The following NFX1 variants were observed in gnomAD, a reference collection of about 807,000 sequenced individuals.
NFX1 encodes the protein transcriptional repressor NF-X1.
NFX1 carries 69 observed loss-of-function variants against 137.2 expected under a neutral mutation model. The ratio of observed to expected loss-of-function variants is 0.50; its 90% CI spans 0.41 to 0.61. NFX1 has a LOEUF of 0.61. Among genes scored for constraint, NFX1 ranks in the 20% least tolerant of loss-of-function variants. NFX1 has a pLI of 0.00. For missense variants in NFX1, 1,167 were observed against 1,391.0 expected (o/e 0.84, Z 2.56); for synonymous variants, 495 against 474.1 (o/e 1.04, Z -0.57).
At chr9:33,300,154 G>C (rs1412164169) in intron 2 of NFX1, among the ~76,000 whole-genome samples, 1 of 136,600 alleles carries the variant, frequency 7.3e-6, no homozygotes, top group Non-Finnish European at 1.5e-5. Flanking sequence ...CTCCGCCCCC[G>C]GGTTCAAGAG....
At chr9:33,341,212 A>G (rs1023998972) in intron 12 of NFX1, among the ~76,000 whole-genome samples, 1 of 152,218 alleles carries the variant, frequency 6.6e-6, no homozygotes, top group Non-Finnish European at 1.5e-5. Context: ...AGGCCTCACA[A>G]TCATGGTGGG....
At chr9:33,349,038 C>T (rs562796939) in intron 15 of NFX1, among the ~76,000 whole-genome samples, 1 of 152,286 alleles carries the variant, frequency 6.6e-6, no homozygotes, top group South Asian at 2.1e-4. Context: ...GTTCTCAAGT[C>T]CTTGGTATTT....
At chr9:33,348,769 T>C (rs1564140330) in intron 15 of NFX1, 13 of 985,168 alleles carry the variant, frequency 1.3e-5, no homozygotes, top group Non-Finnish European at 1.6e-5. Context: ...ATTCTGCTAC[T>C]GAGAAAGAAA....
At chr9:33,344,240 G>A in intron 14 of NFX1, 52 bp downstream of exon 14, 2 of 1,609,474 alleles carry the variant, frequency 1.2e-6, no homozygotes, top group Middle Eastern at 1.7e-4. Context: ...ATGTCATTTA[G>A]GATCCTGCTG....
At chr9:33,305,575 G>A (rs55695110) in intron 4 of NFX1, among the ~76,000 whole-genome samples, 7,082 of 152,264 alleles carry the variant, frequency 0.047, 512 homozygotes, top group African/African-American at 0.16. Flanking sequence ...TTTGGTAGCA[G>A]TGAGTAGAGT....
At chr9:33,316,306 C>G (rs1274377393) in intron 7 of NFX1, among the ~76,000 whole-genome samples, 1 of 150,830 alleles carries the variant, frequency 6.6e-6, no homozygotes, top group Non-Finnish European at 1.5e-5. Context: ...TGGTACTTAC[C>G]AAGCCTTTTT....
At chr9:33,346,434 AGAG>A (rs887120320) in intron 14 of NFX1, among the ~76,000 whole-genome samples, 4 of 152,208 alleles carry the variant, frequency 2.6e-5, no homozygotes, top group Admixed American at 6.5e-5. Flanking sequence ...ACATTCTCCG[AGAG>A]GAGGAGGACA....
chr9:33,328,432 A>G, intron 9 of NFX1, 149 bp from the exon 10 acceptor site: 1 of 597,666 alleles, frequency 1.7e-6, no homozygotes, highest in Non-Finnish European at 3.0e-6. Flanking sequence ...AAGGGAAGAT[A>G]GGGAAGAAGC....
chr9:33,338,585 G>A lies in NFX1; in HGVS notation c.2111G>A (p.Cys704Tyr). Residue 704 changes from cysteine (C) to tyrosine (Y), a missense_variant, in exon 12 of 24, where the codon TGT becomes TAT. Transcript: ENST00000379540. The part of the protein sequence containing the change: ...CGRHKCNEIC[C>Y]VDKEHKCPLI... ...CGGCATAAATGTAATGAGATATGCT[G>A]TGTGGTAAGTGGACTTATTAGGCAT... is the stretch of plus-strand genomic sequence containing the variant. 3 of 1,589,710 alleles carry A rather than the reference G, an allele frequency of 1.9e-6. No homozygotes were observed. Among genetic ancestry groups the A allele is most frequent in the Non-Finnish European group, 2.6e-6 (3 of 1,172,274 alleles).
chr9:33,302,912 C>G (rs1373617556), intron 3 of NFX1, among the ~76,000 whole-genome samples: 3 of 151,116 alleles, frequency 2.0e-5, no homozygotes, highest in Non-Finnish European at 4.4e-5. Flanking sequence ...TTGTGATCCA[C>G]CCACCTCTGC....
chr9:33,365,062 T>G, intron 21 of NFX1: 2 of 1,016,186 alleles, frequency 2.0e-6, no homozygotes, highest in Non-Finnish European at 2.5e-6. Context: ...TCACTTGAGG[T>G]CAGGAGTTCT....
At position 33,318,986 on chromosome 9, in the gene NFX1, C is replaced by G; in HGVS notation, c.1765C>G (p.Gln589Glu). ...CTGCCAGCAATGCCCACGGCTCCCC[C>G]AGCTGGTGCGCTGTTGCCCCTGTGG... ...QPCQQCPRLP[Q>E]LVRCCPCGQT... Residue 589 changes from glutamine (Q) to glutamate (E), a missense_variant, in exon 9 of 24, where the codon CAG becomes GAG. Physicochemically the swap from Gln to Glu is conservative, Grantham distance 29 (BLOSUM62 2). Around this residue, in one of 3 missense-constraint regions of NFX1, gnomAD observed 488 missense variants for 691.5 expected, o/e 0.71. Coordinates refer to ENST00000379540, the MANE Select transcript of NFX1 (RefSeq NM_002504.6). 6.2e-7 allele frequency: 1 copy of G among 1,614,232 alleles called. No individual in the cohort carries two copies. Among genetic ancestry groups the G allele is most frequent in the Non-Finnish European group, 8.5e-7 (1 of 1,180,034 alleles).
Position 33,295,397 on chromosome 9 carries a change from C to G in NFX1, c.1003C>G (p.His335Asp). 1 of 1,613,852 alleles carries G rather than the reference C, an allele frequency of 6.2e-7. No homozygotes were observed. Among genetic ancestry groups the G allele is most frequent in the Non-Finnish European group, 8.5e-7 (1 of 1,179,840 alleles). The change falls in exon 2 of 24, where the codon CAT becomes GAT. Residue 335 changes from histidine (H) to aspartate (D), a missense_variant. Coordinates refer to ENST00000379540, the MANE Select transcript of NFX1 (RefSeq NM_002504.6). ...TCCTTTCTCCCGAGGCAAACAGAAC[C>G]ATGTGCTAAAGAATGTGGAAACGCA... ...VSPFSRGKQN[H>D]VLKNVETHTG...
chr9:33,300,754 C>T (rs1821531205), intron 2 of NFX1, among the ~76,000 whole-genome samples: 1 of 152,222 alleles, frequency 6.6e-6, no homozygotes, highest in Non-Finnish European at 1.5e-5. Flanking sequence ...CCAAGAATAT[C>T]TTTGTTAAGT....
At chr9:33,327,608 G>A (rs1469084083) in intron 9 of NFX1, among the ~76,000 whole-genome samples, 3 of 150,824 alleles carry the variant, frequency 2.0e-5, no homozygotes, top group African/African-American at 7.3e-5. Context: ...CTCATGATCT[G>A]CCCACCTCGG....
At chr9:33,332,869 G>A (rs573797028) in intron 11 of NFX1, among the ~76,000 whole-genome samples, 11 of 152,244 alleles carry the variant, frequency 7.2e-5, no homozygotes, top group South Asian at 2.1e-4. Context: ...CTTTTGAGAC[G>A]GAGTCTCGCT....
chr9:33,317,032 A>AT (rs1822186692), intron 7 of NFX1, among the ~76,000 whole-genome samples: 2 of 152,158 alleles, frequency 1.3e-5, no homozygotes, highest in African/African-American at 4.8e-5. Context: ...CAGTTCATTG[A>AT]TTCTACAAAT....
chr9:33,341,080 A>G (rs1303646934), intron 12 of NFX1, among the ~76,000 whole-genome samples: 1 of 151,980 alleles, frequency 6.6e-6, no homozygotes, highest in Non-Finnish European at 1.5e-5. Flanking sequence ...GCAGTGCCCC[A>G]CTCTGCTGGT....
chr9:33,333,216 G>A (rs1822877071), intron 11 of NFX1, among the ~76,000 whole-genome samples: 1 of 152,156 alleles, frequency 6.6e-6, no homozygotes, highest in Non-Finnish European at 1.5e-5. Flanking sequence ...AAAAGTGATG[G>A]AAGATAAGGA....
Sources: gnomAD v4.1 joint callset for allele counts (sites outside exome capture counted in the v4.1 genomes callset) on GRCh38, gnomAD v4.1.1 for gene constraint, gnomAD v4.1.1 regional missense constraint, MANE v1.5 for transcripts, NCBI Gene and HGNC (gene_info 2026-07-23, HGNC 2026-07-21) for gene names.